The following GABRA1 variants were observed in gnomAD, a reference collection of about 807,000 sequenced individuals.
GABRA1 encodes the protein gamma-aminobutyric acid type A receptor subunit alpha1, also known as gamma-aminobutyric acid receptor subunit alpha-1.
A neutral mutation model predicts 48.9 loss-of-function variants in GABRA1; 9 were observed. That is an observed-to-expected ratio of 0.18 (90% CI 0.11 to 0.32). The LOEUF (loss-of-function observed/expected upper bound fraction) is 0.32, where lower values mean the gene tolerates loss of function less well. Among genes scored for constraint, GABRA1 ranks in the 10% least tolerant of loss-of-function variants. GABRA1 has a pLI of 1.00. For missense variants in GABRA1, 285 were observed against 553.8 expected (o/e 0.51, Z 4.87); for synonymous variants, 210 against 198.7 (o/e 1.06, Z -0.48).
chr5:161,861,455 A>G (rs1182853114), intron 3 of GABRA1, among the ~76,000 whole-genome samples: 1 of 151,860 alleles, frequency 6.6e-6, no homozygotes, highest in Non-Finnish European at 1.5e-5. Context: ...TGGAAATAAG[A>G]TAAATAGCTC....
chr5:161,861,449 AATAAG>A (rs1454600345), intron 3 of GABRA1, among the ~76,000 whole-genome samples: 1 of 151,862 alleles, frequency 6.6e-6, no homozygotes, highest in African/African-American at 2.4e-5. Context: ...TATCAGTGGA[AATAAG>A]ATAAATAGCT....
chr5:161,890,179 A>G (rs965688649), intron 7 of GABRA1, among the ~76,000 whole-genome samples: 5 of 152,204 alleles, frequency 3.3e-5, no homozygotes, highest in Non-Finnish European at 5.9e-5. Flanking sequence ...GCACCTAACT[A>G]GACCACTGTT....
In GABRA1 at chr5:161,895,233, T is replaced by C. The variant is rs564014319; in HGVS notation, c.857-433T>C. Among the ~76,000 whole-genome samples, 439 of 152,218 alleles carry C rather than the reference T, an allele frequency of 2.9e-3. 2 individuals are homozygous for C. Among genetic ancestry groups the C allele is most frequent in the Non-Finnish European group, 5.0e-3 (343 of 68,006 alleles). On this transcript the variant is annotated intron_variant, in intron 8 of 9. Coordinates refer to ENST00000393943, the MANE Select transcript of GABRA1 (RefSeq NM_001127644.2). ...TATCAAAAAGTCATTCACTTTCTGG[T>C]TTACATATTTGGGGTACATAGAATA...
At chr5:161,854,595 C>T (rs1280922281) in intron 3 of GABRA1, among the ~76,000 whole-genome samples, 1 of 151,692 alleles carries the variant, frequency 6.6e-6, no homozygotes, top group East Asian at 1.9e-4. Context: ...ATGACTGCAG[C>T]TATCTCACCT....
At chr5:161,894,588 T>C (rs1471792474) in intron 8 of GABRA1, among the ~76,000 whole-genome samples, 1 of 152,162 alleles carries the variant, frequency 6.6e-6, no homozygotes, top group East Asian at 1.9e-4. Context: ...TTGAGACTAG[T>C]CACTGGAAGA....
At chr5:161,848,994 A>G (rs1452328443) in intron 1 of GABRA1, 1 of 455,286 alleles carries the variant, frequency 2.2e-6, no homozygotes, top group Admixed American at 2.4e-5. Context: ...CATTCTGAAC[A>G]CGAAAACTCA....
chr5:161,887,324 TTTGA>T (rs1754893764), intron 7 of GABRA1, among the ~76,000 whole-genome samples: 1 of 152,140 alleles, frequency 6.6e-6, no homozygotes, highest in South Asian at 2.1e-4. Flanking sequence ...AACAGTCTTC[TTTGA>T]CTATGGAGTA....
chr5:161,859,766 G>A (rs1016426807), intron 3 of GABRA1, among the ~76,000 whole-genome samples: 2 of 151,650 alleles, frequency 1.3e-5, no homozygotes, highest in African/African-American at 4.8e-5. Context: ...TCAAAAAATA[G>A]GACAAGATAA....
intron 8 of GABRA1, among the ~76,000 whole-genome samples, chr5:161,893,509 A>AG (rs1195919942): frequency 6.6e-5 from 10 of 152,082 alleles, no homozygotes; most frequent in Non-Finnish European, 1.0e-4. Flanking sequence ...AAAGAAAAAA[A>AG]CAAAAGAACC....
chr5:161,849,619 A>C lies in GABRA1; in HGVS notation c.-15-1177A>C, dbSNP rs77388549. ...AGAAAGCATTTTGTAGATGTATTTA[A>C]AGGCATACCACATTAAACTATAGAG... On this transcript the variant is annotated intron_variant, in intron 1 of 9. Transcript: ENST00000393943. 4.1e-3 allele frequency among the ~76,000 whole-genome samples: 621 copies of C among 152,300 alleles called. 2 individuals are homozygous for C. The highest frequency in any genetic ancestry group is 0.014 in the African/African-American group (585 of 41,564).
intron 5 of GABRA1, among the ~76,000 whole-genome samples, chr5:161,874,991 A>G (rs1189353621): frequency 1.3e-5 from 2 of 152,176 alleles, no homozygotes; most frequent in Admixed American, 6.6e-5. Flanking sequence ...GGGTTTGTAA[A>G]TAAAACGAAA....
In GABRA1 at chr5:161,895,601, G is replaced by C. The variant is rs1755324349; in HGVS notation, c.857-65G>C. On this transcript the variant is annotated intron_variant, in intron 8 of 9. Coordinates refer to ENST00000393943, the MANE Select transcript of GABRA1 (RefSeq NM_001127644.2). Reference sequence around the variant, plus strand: ...TGATTTCCTTTTGTTCAAGTAGGCTGTCCCATCATGATGAAATTTCACAGT... The same window carrying C: ...TGATTTCCTTTTGTTCAAGTAGGCTCTCCCATCATGATGAAATTTCACAGT... The C allele has an allele frequency of 5.1e-6, 7 of 1,378,616 alleles. No homozygotes were observed. The South Asian group carries it at 8.3e-5, about 16-fold the overall frequency. 85.4% of individuals were successfully genotyped at this position (1,378,616 alleles called of 1,614,324 possible).
At chr5:161,857,664 A>G (rs978143553) in intron 3 of GABRA1, among the ~76,000 whole-genome samples, 1 of 151,630 alleles carries the variant, frequency 6.6e-6, no homozygotes, top group Non-Finnish European at 1.5e-5. Context: ...AATATGGTCT[A>G]TTTGGGATTG....
chr5:161,878,931 G>A (rs1754486785), intron 6 of GABRA1, among the ~76,000 whole-genome samples: 1 of 152,076 alleles, frequency 6.6e-6, no homozygotes, highest in South Asian at 2.1e-4. Context: ...AACAATGTAC[G>A]ACTTTAGAAA....
chr5:161,865,867 C>A (rs1753814100), intron 4 of GABRA1, 79 bp downstream of exon 4: 1 of 1,168,588 alleles, frequency 8.6e-7, no homozygotes, highest in African/African-American at 1.5e-5. Context: ...AAACTAAGTT[C>A]TTAGGGAGCA....
intron 2 of GABRA1, 58 bp downstream of exon 2, chr5:161,850,942 A>G (rs1330970283): frequency 7.0e-7 from 1 of 1,430,710 alleles, no homozygotes; most frequent in Non-Finnish European, 9.9e-7. Flanking sequence ...CATTTATTTT[A>G]TCGGGGGAAG....
chr5:161,857,423 T>A (rs1322339617), intron 3 of GABRA1, among the ~76,000 whole-genome samples: 1 of 151,606 alleles, frequency 6.6e-6, no homozygotes, highest in African/African-American at 2.4e-5. Flanking sequence ...AGTTTATATG[T>A]ACCTTGGATT....
At chr5:161,885,675 A>G (rs1561581718) in intron 7 of GABRA1, among the ~76,000 whole-genome samples, 1 of 152,212 alleles carries the variant, frequency 6.6e-6, no homozygotes, top group Non-Finnish European at 1.5e-5. Flanking sequence ...TAGAGGTACA[A>G]TTCCTTCCTT....
intron 4 of GABRA1, among the ~76,000 whole-genome samples, chr5:161,869,907 T>C (rs1450821581): frequency 6.6e-6 from 1 of 152,194 alleles, no homozygotes; most frequent in Non-Finnish European, 1.5e-5. Flanking sequence ...ACCTTCTTAC[T>C]TTCCTTAGAT....
Sources: gnomAD v4.1 joint callset for allele counts (sites outside exome capture counted in the v4.1 genomes callset) on GRCh38, gnomAD v4.1.1 for gene constraint, MANE v1.5 for transcripts, NCBI Gene and HGNC (gene_info 2026-07-23, HGNC 2026-07-21) for gene names.